Variants in DENND5B observed in about 807,000 individuals in gnomAD.
The protein encoded by DENND5B is DENN domain containing 5B, also known as DENN domain-containing protein 5B.
Under a neutral mutation model 140.6 loss-of-function variants are expected in DENND5B, and 34 were observed. That is an observed-to-expected ratio of 0.24 (90% CI 0.18 to 0.32). The LOEUF (loss-of-function observed/expected upper bound fraction) is 0.32, where lower values mean the gene tolerates loss of function less well. Ranked by LOEUF, DENND5B falls within the 10% of genes least tolerant of loss-of-function variation. The pLI, the probability that DENND5B is intolerant of heterozygous loss-of-function variation, is 1.00. For synonymous variants in DENND5B, 551 were observed against 562.1 expected, an observed-to-expected ratio of 0.98 and a Z score of 0.28; for missense variants, 1,142 against 1,560.2, an observed-to-expected ratio of 0.73 and a Z score of 4.52.
intron 1 of DENND5B, among the ~76,000 whole-genome samples, chr12:31,536,905 G>A (rs189832011): frequency 5.4e-4 from 82 of 152,196 alleles, no homozygotes; most frequent in Admixed American, 5.4e-3. Flanking sequence ...ATCCTTACAG[G>A]CCAGAAGAGA....
Position 31,387,062 on chromosome 12 carries a change from T to C in DENND5B, c.*541A>G, listed in dbSNP as rs1208006162. The C allele has an allele frequency of 6.6e-6, 1 of 152,160 alleles. No homozygotes were observed. The highest frequency in any genetic ancestry group is 6.6e-5 in the Admixed American group (1 of 15,262). The allele number at this position is 152,160 out of a possible 1,614,324, so 9.4% of individuals were successfully genotyped here. A position where few individuals can be genotyped will look rare whatever the true frequency, so the allele number is the denominator to read the frequency against. ...TAGCGATTCAAATATATAAAACAGTTTGTAACTTAAAAGATAGAAGTGAAG... is the reference window on the plus strand; with the variant it reads ...TAGCGATTCAAATATATAAAACAGTCTGTAACTTAAAAGATAGAAGTGAAG... On this transcript the variant is annotated 3_prime_UTR_variant, in exon 21 of 21. Coordinates refer to ENST00000389082, the MANE Select transcript of DENND5B (RefSeq NM_144973.4).
chr12:31,461,422 TC>T (rs1407561133), intron 3 of DENND5B, among the ~76,000 whole-genome samples: 2 of 152,172 alleles, frequency 1.3e-5, no homozygotes, highest in South Asian at 2.1e-4. Flanking sequence ...AATTAAAAGC[TC>T]CCCACAATAG....
At chr12:31,417,286 T>C (rs1313109827) in intron 11 of DENND5B, among the ~76,000 whole-genome samples, 1 of 137,516 alleles carries the variant, frequency 7.3e-6, no homozygotes, top group African/African-American at 2.8e-5. Flanking sequence ...GAACCCGGGA[T>C]GCAGAGTTTG....
chr12:31,508,749 T>C (rs906899468), intron 1 of DENND5B, among the ~76,000 whole-genome samples: 3 of 152,192 alleles, frequency 2.0e-5, no homozygotes, highest in African/African-American at 4.8e-5. Context: ...TCCCCTACTA[T>C]GTTTGGTGTT....
At chr12:31,391,150 T>C (rs2137270607) in intron 19 of DENND5B, among the ~76,000 whole-genome samples, 1 of 152,294 alleles carries the variant, frequency 6.6e-6, no homozygotes, top group East Asian at 1.9e-4. Context: ...GCACTGGCAC[T>C]AAACACCCCC....
chr12:31,507,127 G>T (rs1947233331), intron 1 of DENND5B, among the ~76,000 whole-genome samples: 1 of 151,976 alleles, frequency 6.6e-6, no homozygotes, highest in Non-Finnish European at 1.5e-5. Flanking sequence ...CGTCACTCAG[G>T]AAATTCCAAG....
At chr12:31,409,679 A>T (rs1453603506) in intron 13 of DENND5B, among the ~76,000 whole-genome samples, 2 of 151,902 alleles carry the variant, frequency 1.3e-5, no homozygotes, top group South Asian at 4.2e-4. Flanking sequence ...GGGTTTCACC[A>T]TGTTGGCCAG....
chr12:31,401,633 T>C (rs1284342697), intron 15 of DENND5B, among the ~76,000 whole-genome samples: 2 of 152,014 alleles, frequency 1.3e-5, no homozygotes, highest in Non-Finnish European at 2.9e-5. Context: ...TGGCTGTTTG[T>C]TTTGTTTTGT....
intron 1 of DENND5B, among the ~76,000 whole-genome samples, chr12:31,544,051 C>T (rs149069207): frequency 1.1e-3 from 165 of 152,186 alleles, no homozygotes; most frequent in African/African-American, 3.5e-3. Flanking sequence ...GTATTCCCAG[C>T]TATTCAGGAG....
intron 2 of DENND5B, among the ~76,000 whole-genome samples, chr12:31,485,941 C>T (rs1004240737): frequency 6.6e-6 from 1 of 152,190 alleles, no homozygotes; most frequent in Non-Finnish European, 1.5e-5. Flanking sequence ...TGATTTCAGT[C>T]CTCAGACTTC....
intron 4 of DENND5B, among the ~76,000 whole-genome samples, chr12:31,452,999 C>T (rs1259175309): frequency 2.0e-5 from 3 of 152,164 alleles, no homozygotes; most frequent in African/African-American, 7.2e-5. Context: ...CTTTGCCACT[C>T]CACTGCTCTA....
At chr12:31,492,137 A>T (rs953035065) in intron 2 of DENND5B, among the ~76,000 whole-genome samples, 1 of 152,218 alleles carries the variant, frequency 6.6e-6, no homozygotes, top group Non-Finnish European at 1.5e-5. Context: ...AATAAAAAAA[A>T]TGCTATGTGG....
intron 1 of DENND5B, among the ~76,000 whole-genome samples, chr12:31,547,455 G>A (rs1298360922): frequency 4.6e-5 from 7 of 151,786 alleles, no homozygotes; most frequent in Admixed American, 3.3e-4. Flanking sequence ...CTGGAGTGCA[G>A]TGGCACAATC....
intron 11 of DENND5B, among the ~76,000 whole-genome samples, chr12:31,416,598 G>A (rs1250518770): frequency 6.6e-6 from 1 of 151,880 alleles, no homozygotes; most frequent in East Asian, 1.9e-4. Flanking sequence ...AATAGCTCTA[G>A]ATAATTACAC....
intron 2 of DENND5B, among the ~76,000 whole-genome samples, chr12:31,485,526 A>G (rs1946266295): frequency 6.6e-6 from 1 of 152,258 alleles, no homozygotes; most frequent in South Asian, 2.1e-4. Context: ...ATTCTGTCCA[A>G]AACCACAATT....
At chr12:31,571,264 T>G (rs1949812308) in intron 1 of DENND5B, among the ~76,000 whole-genome samples, 1 of 152,204 alleles carries the variant, frequency 6.6e-6, no homozygotes, top group Non-Finnish European at 1.5e-5. Flanking sequence ...AACACACAAA[T>G]CGGACCAGTA....
At position 31,590,999 on chromosome 12, in the gene DENND5B, G is replaced by C. The variant is rs902002803; in HGVS notation, c.-167C>G. 1.4e-4 allele frequency: 107 copies of C among 773,614 alleles called. No individual in the cohort carries two copies. The African/African-American group carries it at 1.8e-3, about 13-fold the overall frequency. 47.9% of individuals were successfully genotyped at this position (773,614 alleles called of 1,614,324 possible). On this transcript the variant is annotated 5_prime_UTR_variant, in exon 1 of 21. Coordinates refer to ENST00000389082, the MANE Select transcript of DENND5B (RefSeq NM_144973.4). ...GCCGCCGCAGCCTGCCTCCTCGCTC[G>C]GCGCGGGGGAAGCGGCCGCGGGCTC...
intron 3 of DENND5B, among the ~76,000 whole-genome samples, chr12:31,476,969 C>T (rs1945841472): frequency 1.3e-5 from 2 of 152,130 alleles, no homozygotes; most frequent in African/African-American, 2.4e-5. Context: ...TGGCTCACGC[C>T]GGTAATCCCA....
chr12:31,480,655 T>A (rs2138554746), intron 2 of DENND5B, among the ~76,000 whole-genome samples: 1 of 152,290 alleles, frequency 6.6e-6, no homozygotes, highest in East Asian at 1.9e-4. Flanking sequence ...GCAAAAGCAT[T>A]TCACAAATAT....
Sources: gnomAD v4.1 joint callset for allele counts (sites outside exome capture counted in the v4.1 genomes callset) on GRCh38, gnomAD v4.1.1 for gene constraint, MANE v1.5 for transcripts, NCBI Gene and HGNC (gene_info 2026-07-23, HGNC 2026-07-21) for gene names.